The following FASTKD1 variants were observed in gnomAD, a reference collection of about 807,000 sequenced individuals.
The protein encoded by FASTKD1 is FAST kinase domain-containing protein 1, mitochondrial.
In FASTKD1, 94 loss-of-function variants were observed where a neutral mutation model predicts 90.9. That is an observed-to-expected ratio of 1.03 (90% CI 0.88 to 1.23). The LOEUF (loss-of-function observed/expected upper bound fraction) is 1.23. FASTKD1 is among the 50% of genes most tolerant of loss of function. The probability of loss-of-function intolerance (pLI) is 0.00; values close to 1 mark genes in which losing one functional copy is unlikely to be tolerated. For missense variants in FASTKD1, 945 were observed against 993.5 expected (o/e 0.95, Z 0.66); for synonymous variants, 319 against 345.8 (o/e 0.92, Z 0.86).
Position 169,537,330 on chromosome 2 carries a change from GC to G in FASTKD1, c.2084del (p.Gly695AlafsTer13), listed in dbSNP as rs754220325. ...AAATCTGCTGTTGTGTTCCATCCAT[GC>G]CACCAATACCTTTATAAAAAAATAA... ...FCQQYNKGIG[G>X]MDGTQQQIFK... is the part of the protein sequence containing the mutation. On this transcript the variant is annotated frameshift_variant, in exon 12 of 15. Transcript: ENST00000453153. LOFTEE classifies it high-confidence loss of function. 48 of 1,592,138 alleles carry G rather than the reference GC, an allele frequency of 3.0e-5. No homozygotes were observed. The highest frequency in any genetic ancestry group is 1.0e-4 in the Admixed American group (6 of 59,846).
In FASTKD1 at chr2:169,555,269, A is replaced by C; in HGVS notation, c.1083-14T>G. 1.3e-6 allele frequency: 2 copies of C among 1,596,232 alleles called. No individual in the cohort carries two copies. ...ACTGAAGTAACTCTAAAAAGGATAG[A>C]GCATATATTATAACCAGTTCATTCA... On this transcript the variant is annotated splice_polypyrimidine_tract_variant and intron_variant, in intron 6 of 14. Transcript: ENST00000453153.
intron 12 of FASTKD1, among the ~76,000 whole-genome samples, chr2:169,534,101 G>A (rs1462961909): frequency 3.4e-5 from 5 of 147,416 alleles, no homozygotes; most frequent in African/African-American, 1.2e-4. Context: ...AGCTCTGGAG[G>A]CAGAGGTTGC....
chr2:169,553,721 TC>T (rs1045982597), intron 7 of FASTKD1, among the ~76,000 whole-genome samples: 3 of 151,608 alleles, frequency 2.0e-5, no homozygotes, highest in Non-Finnish European at 4.4e-5. Context: ...ATCGAGACCA[TC>T]CTGGCTAACA....
chr2:169,531,285 C>T, intron 13 of FASTKD1, 67 bp downstream of exon 13: 1 of 1,493,438 alleles, frequency 6.7e-7, no homozygotes. Flanking sequence ...TGATCACTGA[C>T]TTCAGTATAG....
chr2:169,531,891 G>A (rs1047129060), intron 12 of FASTKD1, among the ~76,000 whole-genome samples: 1 of 152,198 alleles, frequency 6.6e-6, no homozygotes, highest in Non-Finnish European at 1.5e-5. Context: ...TTGTACATAA[G>A]AGTAACTAAA....
chr2:169,565,678 G>C (rs77429391), intron 3 of FASTKD1, among the ~76,000 whole-genome samples: 6,022 of 152,210 alleles, frequency 0.04, 410 homozygotes, highest in African/African-American at 0.14. Flanking sequence ...TCAATATATT[G>C]ATTTCCTGTC....
intron 7 of FASTKD1, among the ~76,000 whole-genome samples, chr2:169,553,731 C>T (rs1271146560): frequency 1.3e-5 from 2 of 151,752 alleles, no homozygotes; most frequent in Non-Finnish European, 2.9e-5. Context: ...TCCTGGCTAA[C>T]ACAGTGAAAC....
intron 7 of FASTKD1, among the ~76,000 whole-genome samples, chr2:169,548,731 CA>C (rs58560988): frequency 0.21 from 7,407 of 35,828 alleles, 51 homozygotes; most frequent in Non-Finnish European, 0.24. Context: ...GACTCCGCCT[CA>C]AAAAAAAAAA....
At chr2:169,572,293 C>T (rs1238212717) in intron 1 of FASTKD1, 122 bp from the exon 2 acceptor site, 1 of 240,978 alleles carries the variant, frequency 4.1e-6, no homozygotes. Context: ...TAGTCTAAAC[C>T]AGATAGCAGA....
chr2:169,569,858 A>G (rs181878502), intron 2 of FASTKD1, among the ~76,000 whole-genome samples: 3 of 152,298 alleles, frequency 2.0e-5, no homozygotes, highest in Admixed American at 2.0e-4. Context: ...CTCATAAATA[A>G]ATAAATAAAA....
At position 169,528,850 on chromosome 2, in the gene FASTKD1, G is replaced by A. The variant is rs552810861; in HGVS notation, c.*975C>T. Among the ~76,000 whole-genome samples the A allele has an allele frequency of 6.6e-6, 1 of 152,192 alleles. No individual in the cohort carries two copies. The highest frequency in any genetic ancestry group is 2.1e-4 in the South Asian group (1 of 4,814). On this transcript the variant is annotated 3_prime_UTR_variant, in exon 15 of 15. Coordinates refer to ENST00000453153, the MANE Select transcript of FASTKD1 (RefSeq NM_024622.6). ...GCTTTATCCACTTGGCTTCTAGGAA[G>A]TATTACTTACCTTCCTTCCTCCTAC...
chr2:169,562,433 A>G (rs2105422043), intron 4 of FASTKD1, among the ~76,000 whole-genome samples: 1 of 152,020 alleles, frequency 6.6e-6, no homozygotes, highest in Non-Finnish European at 1.5e-5. Context: ...GATTTTTGCC[A>G]TGTTGGCCAG....
chr2:169,567,803 A>T (rs1416232506), intron 3 of FASTKD1, among the ~76,000 whole-genome samples: 2 of 152,056 alleles, frequency 1.3e-5, no homozygotes, highest in African/African-American at 4.8e-5. Context: ...ATATCCTCCT[A>T]TCTCTTCCTC....
At position 169,531,283 on chromosome 2, in the gene FASTKD1, G is replaced by T; in HGVS notation, c.2327+69C>A. On this transcript the variant is annotated intron_variant, in intron 13 of 14. Coordinates refer to ENST00000453153, the MANE Select transcript of FASTKD1 (RefSeq NM_024622.6). ...CCACTACCTTCAATCCTTGATCACTGACTTCAGTATAGTACACCAAATTTA... is the reference window on the plus strand; with the variant it reads ...CCACTACCTTCAATCCTTGATCACTTACTTCAGTATAGTACACCAAATTTA... 2.7e-6 allele frequency: 4 copies of T among 1,473,880 alleles called. No homozygotes were observed. In the South Asian group the frequency reaches 3.4e-5, roughly 13 times the overall value. The allele number at this position is 1,473,880 out of a possible 1,614,324, so 91.3% of individuals were successfully genotyped here.
rs543615207 is a variant in FASTKD1, at chr2:169,564,956, T to C, written c.447-1606A>G. ...GTGTATATATACCACATTTTTCTTT[T>C]TTTTTTTTTTTTTTGAGACGCAGTT... On this transcript the variant is annotated intron_variant, in intron 3 of 14. Coordinates refer to ENST00000453153, the MANE Select transcript of FASTKD1 (RefSeq NM_024622.6). Among the ~76,000 whole-genome samples, 210 of 149,456 alleles carry C rather than the reference T, an allele frequency of 1.4e-3. 1 individual carries two copies. The highest frequency in any genetic ancestry group is 3.5e-3 in the African/African-American group (144 of 40,704).
intron 10 of FASTKD1, among the ~76,000 whole-genome samples, chr2:169,539,661 A>C (rs1024361719): frequency 6.6e-6 from 1 of 151,708 alleles, no homozygotes; most frequent in Admixed American, 6.6e-5. Flanking sequence ...GCTACTTGGA[A>C]GGCTGAGGTG....
intron 14 of FASTKD1, 52 bp downstream of exon 14, chr2:169,530,535 C>T (rs1429518427): frequency 5.1e-6 from 5 of 970,874 alleles, no homozygotes; most frequent in Non-Finnish European, 7.9e-6. Context: ...AGCACATGTA[C>T]AGCTAGTGTC....
intron 10 of FASTKD1, 27 bp downstream of exon 10, chr2:169,540,024 T>C (rs754274813): frequency 1.4e-6 from 2 of 1,393,344 alleles, no homozygotes; most frequent in Non-Finnish European, 2.0e-6. Context: ...AACAGATAAT[T>C]AAATAAATTA....
chr2:169,573,811 A>G lies in FASTKD1; in HGVS notation c.-285T>C, dbSNP rs879340930. The G allele has an allele frequency of 1.3e-5, 2 of 152,222 alleles. No individual in the cohort carries two copies. Among genetic ancestry groups the G allele is most frequent in the Non-Finnish European group, 2.9e-5 (2 of 68,050 alleles). 9.4% of individuals were successfully genotyped at this position (152,222 alleles called of 1,614,324 possible). ...GCCCAACCCTCATATCTCAGGGTTT[A>G]TAACCTTTCTTCGAGAGACATGACC... On this transcript the variant is annotated 5_prime_UTR_variant, in exon 1 of 15. It removes the in-frame stop codon of an upstream open reading frame in the 5' UTR. Coordinates refer to ENST00000453153, the MANE Select transcript of FASTKD1 (RefSeq NM_024622.6).
Sources: allele counts gnomAD v4.1 joint callset (sites outside exome capture counted in the v4.1 genomes callset), GRCh38; gene constraint gnomAD v4.1.1; transcripts MANE v1.5; gene names NCBI Gene and HGNC (gene_info 2026-07-23, HGNC 2026-07-21).